Variants in MAP4K3 observed in about 807,000 individuals in gnomAD.
MAP4K3 encodes the protein mitogen-activated protein kinase kinase kinase kinase 3, also known as MAPK/ERK kinase kinase kinase 3.
In MAP4K3, 94 loss-of-function variants were observed where a neutral mutation model predicts 143.5. The observed-to-expected ratio is 0.65, with a 90% CI of 0.55 to 0.78. The LOEUF (loss-of-function observed/expected upper bound fraction) is 0.78. MAP4K3 is among the 30% of genes least tolerant of loss of function. The pLI is 0.00. For missense variants in MAP4K3, 1,077 were observed against 1,068.1 expected (o/e 1.01, Z -0.12); for synonymous variants, 416 against 347.2 (o/e 1.20, Z -2.20).
intron 15 of MAP4K3, among the ~76,000 whole-genome samples, chr2:39,301,115 A>T (rs1011830940): frequency 2.0e-5 from 3 of 151,958 alleles, no homozygotes; most frequent in Non-Finnish European, 4.4e-5. Context: ...TTAAAATTTA[A>T]ATATTCCAAG....
In MAP4K3 at chr2:39,250,553, A is replaced by G; in HGVS notation, c.*65T>C. On this transcript the variant is annotated 3_prime_UTR_variant, in exon 34 of 34. Transcript: ENST00000263881. ...CTGCAGCTTTTGTACAGCTTCAAGCATCCATTAATGTTGCAGTGGTAGTGT... is the reference window on the plus strand; with the variant it reads ...CTGCAGCTTTTGTACAGCTTCAAGCGTCCATTAATGTTGCAGTGGTAGTGT... The G allele has an allele frequency of 7.1e-7, 1 of 1,408,076 alleles. No homozygotes were observed. The highest frequency in any genetic ancestry group is 1.4e-5 in the African/African-American group (1 of 70,504). The allele number at this position is 1,408,076 out of a possible 1,614,324, so 87.2% of individuals were successfully genotyped here. A position where few individuals can be genotyped will look rare whatever the true frequency, so the allele number is the denominator to read the frequency against.
chr2:39,335,808 C>T (rs768755011), intron 6 of MAP4K3, among the ~76,000 whole-genome samples: 7 of 152,244 alleles, frequency 4.6e-5, no homozygotes, highest in Admixed American at 3.3e-4. Context: ...AGGTTATCTG[C>T]GAGTCCATTG....
At position 39,293,254 on chromosome 2, in the gene MAP4K3, G is replaced by C. The variant is rs1682128153; in HGVS notation, c.1193C>G (p.Ser398Cys). The change falls in exon 17 of 34, where the codon TCT (serine) becomes TGT (cysteine). Residue 398 changes from serine to cysteine, a missense_variant. Transcript: ENST00000263881. ...CCGCTGATGCAATTCTTCTTCAACA[G>C]ACTTGAGAAGACTCCTTAAAAGAAA... ...FLGANKSLLK[S>C]VEEELHQRGH... The C allele has an allele frequency of 6.5e-7, 1 of 1,542,960 alleles. No homozygotes were observed. Among genetic ancestry groups the C allele is most frequent in the African/African-American group, 1.4e-5 (1 of 71,762 alleles).
intron 1 of MAP4K3, among the ~76,000 whole-genome samples, chr2:39,409,871 G>C (rs906779421): frequency 6.6e-6 from 1 of 152,136 alleles, no homozygotes; most frequent in Non-Finnish European, 1.5e-5. Context: ...CTGAGATAAA[G>C]GACAATGTGG....
chr2:39,306,405 A>T (rs113805790), intron 15 of MAP4K3, among the ~76,000 whole-genome samples: 12 of 152,310 alleles, frequency 7.9e-5, no homozygotes, highest in Non-Finnish European at 1.8e-4. Context: ...TATGCCATTG[A>T]ACACATTCCC....
intron 3 of MAP4K3, among the ~76,000 whole-genome samples, chr2:39,355,509 G>A (rs1241509972): frequency 6.6e-6 from 1 of 151,996 alleles, no homozygotes; most frequent in African/African-American, 2.4e-5. Context: ...TCCAGCCCGG[G>A]TGACAGAGTG....
intron 1 of MAP4K3, among the ~76,000 whole-genome samples, chr2:39,388,024 T>G (rs752424601): frequency 3.9e-5 from 6 of 152,194 alleles, no homozygotes; most frequent in Non-Finnish European, 8.8e-5. Context: ...TATCAGTAAT[T>G]TGTATTTCAA....
At chr2:39,361,372 T>C (rs574653581) in intron 2 of MAP4K3, among the ~76,000 whole-genome samples, 82 of 152,180 alleles carry the variant, frequency 5.4e-4, no homozygotes, top group African/African-American at 1.9e-3. Context: ...TGTGTTTCCC[T>C]AGCACATTAG....
chr2:39,390,920 G>A (rs1408993743), intron 1 of MAP4K3, among the ~76,000 whole-genome samples: 3 of 152,066 alleles, frequency 2.0e-5, no homozygotes, highest in Non-Finnish European at 4.4e-5. Flanking sequence ...TATTCTGACC[G>A]ACATACATCT....
chr2:39,366,272 TGGGGTG>T (rs1665920037), intron 2 of MAP4K3, among the ~76,000 whole-genome samples: 1 of 9,658 alleles, frequency 1.0e-4, no homozygotes, highest in African/African-American at 4.5e-4. Context: ...AGCAGGGTGG[TGGGGTG>T]GGGGTGGAGG....
intron 7 of MAP4K3, among the ~76,000 whole-genome samples, chr2:39,332,285 T>C (rs918589045): frequency 3.9e-5 from 6 of 152,166 alleles, no homozygotes; most frequent in Non-Finnish European, 7.4e-5. Context: ...GAATGTAAAT[T>C]GCCAAACTTA....
intron 1 of MAP4K3, among the ~76,000 whole-genome samples, chr2:39,428,593 T>C (rs1665172548): frequency 6.6e-6 from 1 of 151,074 alleles, no homozygotes; most frequent in East Asian, 2.0e-4. Flanking sequence ...GGAGAAGTGC[T>C]TGAACCCGGA....
intron 2 of MAP4K3, among the ~76,000 whole-genome samples, chr2:39,369,617 C>T (rs902881064): frequency 1.3e-5 from 2 of 152,104 alleles, no homozygotes; most frequent in Non-Finnish European, 2.9e-5. Context: ...ATGTGGAATA[C>T]CCTCCATTCT....
chr2:39,337,684 C>A, intron 4 of MAP4K3, 103 bp from the exon 5 acceptor site: 16 of 511,486 alleles, frequency 3.1e-5, no homozygotes, highest in Middle Eastern at 6.3e-4. Context: ...TATCCCTAAA[C>A]AATTCTACTG....
chr2:39,324,531 TAGC>T (rs1264548495), intron 12 of MAP4K3, among the ~76,000 whole-genome samples: 2 of 152,166 alleles, frequency 1.3e-5, no homozygotes, highest in Non-Finnish European at 2.9e-5. Context: ...AAAGGACAAA[TAGC>T]TTATCTATCA....
chr2:39,416,653 T>G (rs1667391286), intron 1 of MAP4K3, among the ~76,000 whole-genome samples: 1 of 152,246 alleles, frequency 6.6e-6, no homozygotes. Context: ...TTTGACTATT[T>G]AAAGAAATTT....
intron 2 of MAP4K3, among the ~76,000 whole-genome samples, chr2:39,361,975 C>CACG (rs1665784327): frequency 6.6e-6 from 1 of 151,888 alleles, no homozygotes; most frequent in Admixed American, 6.5e-5. Flanking sequence ...AAACAAAAGA[C>CACG]ACTTCCCTTC....
chr2:39,251,729 A>G, intron 33 of MAP4K3, 101 bp downstream of exon 33: 3 of 954,222 alleles, frequency 3.1e-6, no homozygotes, highest in South Asian at 3.0e-5. Flanking sequence ...AATGTTGAAC[A>G]TATTGCAGAC....
rs571492799 is a variant in MAP4K3, at chr2:39,263,160, T to C, written c.2136+2043A>G. On this transcript the variant is annotated intron_variant, in intron 28 of 33. Transcript: ENST00000263881. ...ATGTCATTAGGAGGAAACAAGAATA[T>C]AGAAAGCGTAACAATGTTTTTGAAT... is the stretch of plus-strand genomic sequence containing the variant. 2.3e-4 allele frequency among the ~76,000 whole-genome samples: 35 copies of C among 151,970 alleles called. No homozygotes were observed. The South Asian group carries it at 2.7e-3, about 12-fold the overall frequency.
Sources: gnomAD v4.1 joint callset for allele counts (sites outside exome capture counted in the v4.1 genomes callset) on GRCh38, gnomAD v4.1.1 for gene constraint, MANE v1.5 for transcripts, NCBI Gene and HGNC (gene_info 2026-07-23, HGNC 2026-07-21) for gene names.